The following PAOX variants were observed in gnomAD, a reference collection of about 807,000 sequenced individuals.
PAOX encodes peroxisomal N(1)-acetyl-spermine/spermidine oxidase.
PAOX carries 38 observed loss-of-function variants against 39.0 expected under a neutral mutation model. The observed-to-expected ratio is 0.97, with a 90% CI of 0.75 to 1.28. The LOEUF is 1.28. Ranked by LOEUF, PAOX falls within the 50% of genes most tolerant of loss-of-function variation. The probability of loss-of-function intolerance (pLI) is 0.00; values close to 1 mark genes in which losing one functional copy is unlikely to be tolerated. For missense variants in PAOX, 667 were observed against 685.7 expected, an observed-to-expected ratio of 0.97 and a Z score of 0.30; for synonymous variants, 311 against 314.4, an observed-to-expected ratio of 0.99 and a Z score of 0.11.
Position 133,389,757 on chromosome 10 carries a change from G to T in PAOX, c.1392+10G>T. On this transcript the variant is annotated intron_variant, in intron 6 of 6. Coordinates refer to ENST00000278060, the MANE Select transcript of PAOX (RefSeq NM_152911.4). ...CGGCGCCGGCGCCCAGGTATGTGGCGTGCCCCAGTCGGGGGGCGTGGGTCC... is the reference window on the plus strand; with the variant it reads ...CGGCGCCGGCGCCCAGGTATGTGGCTTGCCCCAGTCGGGGGGCGTGGGTCC... The T allele has an allele frequency of 6.7e-7, 1 of 1,484,478 alleles. No homozygotes were observed. Among genetic ancestry groups the T allele is most frequent in the African/African-American group, 1.4e-5 (1 of 69,782 alleles). The allele number at this position is 1,484,478 out of a possible 1,614,324, so 92.0% of individuals were successfully genotyped here.
intron 3 of PAOX, among the ~76,000 whole-genome samples, chr10:133,383,506 G>A (rs1235815855): frequency 6.6e-6 from 1 of 151,840 alleles, no homozygotes; most frequent in Non-Finnish European, 1.5e-5. Flanking sequence ...GGGAAGCTGA[G>A]GCAGGAGAAT....
At position 133,384,833 on chromosome 10, in the gene PAOX, G is replaced by C. The variant is rs1368504755; in HGVS notation, c.1121+621G>C. On this transcript the variant is annotated intron_variant, in intron 4 of 6. Coordinates refer to ENST00000278060, the MANE Select transcript of PAOX (RefSeq NM_152911.4). This position sits in a 1 kb window ranked among gnomAD's most constrained non-coding sequence, Gnocchi z 4.3. ...GTTTCCACTGAGAGATGCCGCAGGA[G>C]GGGGCACCAAGTTCTTGTTCTGAAA... Among the ~76,000 whole-genome samples the C allele has an allele frequency of 6.6e-6, 1 of 152,224 alleles. No homozygotes were observed. The highest frequency in any genetic ancestry group is 1.5e-5 in the Non-Finnish European group (1 of 68,038).
chr10:133,379,362 G>C lies in PAOX; in HGVS notation c.46G>C (p.Val16Leu). ...CGGGGAGGCCCCGGGCGGACCCCGG[G>C]TGCTGGTGGTGGGCGGCGGCATCGC... ...SVGEAPGGPRVLVVGGGIAGL... is the reference protein window; with the variant it reads ...SVGEAPGGPRLLVVGGGIAGL... Residue 16 changes from valine to leucine, a missense_variant, in exon 1 of 7, where the codon GTG (valine) becomes CTG (leucine). Physicochemically the swap from Val to Leu is conservative, Grantham distance 32. Transcript: ENST00000278060. 8.2e-7 allele frequency: 1 copy of C among 1,219,858 alleles called. No individual in the cohort carries two copies. The highest frequency in any genetic ancestry group is 1.0e-6 in the Non-Finnish European group (1 of 980,456). The allele number at this position is 1,219,858 out of a possible 1,614,324, so 75.6% of individuals were successfully genotyped here.
intron 6 of PAOX, among the ~76,000 whole-genome samples, chr10:133,390,446 A>ACG (rs1554889447): frequency 7.4e-4 from 105 of 141,940 alleles, no homozygotes; most frequent in Non-Finnish European, 1.2e-3. Context: ...ACACACACAC[A>ACG]AGTAGCCAGG....
At chr10:133,391,139 G>C in intron 6 of PAOX, 173 bp from the exon 7 acceptor site, 1 of 723,672 alleles carries the variant, frequency 1.4e-6, no homozygotes, top group South Asian at 1.5e-5. Flanking sequence ...TGTGTGAGCT[G>C]TTTTCCTGGC....
intron 6 of PAOX, chr10:133,390,945 T>C: frequency 1.4e-6 from 1 of 701,308 alleles, no homozygotes; most frequent in Non-Finnish European, 2.6e-6. Context: ...TGGCTTCCTT[T>C]CCCACCCATT....
chr10:133,380,428 C>T lies in PAOX; in HGVS notation c.611C>T (p.Ala204Val), dbSNP rs1438531558. ...VSGTHSMDLVALAPFGEYTVL... is the reference protein window; with the variant it reads ...VSGTHSMDLVVLAPFGEYTVL... The stretch of plus-strand genomic sequence containing the variant: ...GGCACCCACAGCATGGACCTGGTGG[C>T]CCTGGCACCCTTTGGGGAGTATACC... The change falls in exon 2 of 7, where the codon GCC becomes GTC. Residue 204 changes from alanine (A) to valine (V), a missense_variant. Ala to Val is a moderately conservative substitution (Grantham distance 64). Transcript: ENST00000278060. 5 of 1,612,536 alleles carry T rather than the reference C, an allele frequency of 3.1e-6. No homozygotes were observed. The highest frequency in any genetic ancestry group is 4.2e-6 in the Non-Finnish European group (5 of 1,180,012).
rs1849621709 is a variant in PAOX at position 133,389,689 on chromosome 10, C to G, written c.1334C>G (p.Thr445Ser). The change falls in exon 6 of 7, where the codon ACT (threonine) becomes AGT (serine). Residue 445 changes from threonine to serine, a missense_variant. Transcript: ENST00000278060. ...GSYSYVAVGS[T>S]GGDLDLLAQP... ...TACAGCTACGTGGCCGTGGGCAGTA[C>G]TGGGGGCGACCTGGACCTGCTGGCT... 1 of 1,604,676 alleles carries G rather than the reference C, an allele frequency of 6.2e-7. No individual in the cohort carries two copies. Among genetic ancestry groups the G allele is most frequent in the Non-Finnish European group, 8.5e-7 (1 of 1,174,112 alleles).
Position 133,380,256 on chromosome 10 carries a change from G to T in PAOX, c.439G>T (p.Ala147Ser). Residue 147 changes from alanine to serine, a missense_variant, in exon 2 of 7, where the codon GCT becomes TCT. Coordinates refer to ENST00000278060, the MANE Select transcript of PAOX (RefSeq NM_152911.4). Reference protein sequence around the residue: ...LIDQTREFLHAAETPVPSVGE... With the variant: ...LIDQTREFLHSAETPVPSVGE... ...AGACCAGACCCGGGAGTTCCTGCAC[G>T]CTGCAGAGACCCCGGTGCCCAGCGT... 1 of 1,612,898 alleles carries T rather than the reference G, an allele frequency of 6.2e-7. No individual in the cohort carries two copies. The highest frequency in any genetic ancestry group is 8.5e-7 in the Non-Finnish European group (1 of 1,180,020).
intron 1 of PAOX, 21 bp from the exon 2 acceptor site, chr10:133,379,978 G>T: frequency 6.6e-7 from 1 of 1,506,422 alleles, no homozygotes; most frequent in Non-Finnish European, 8.8e-7. Flanking sequence ...CCTCCAGGTG[G>T]CATCTGCTGT....
Position 133,380,241 on chromosome 10 carries a change from CG to C in PAOX, c.427del (p.Glu143SerfsTer37). 6.2e-7 allele frequency: 1 copy of C among 1,612,884 alleles called. No homozygotes were observed. The highest frequency in any genetic ancestry group is 8.5e-7 in the Non-Finnish European group (1 of 1,180,020). On this transcript the variant is annotated frameshift_variant, in exon 2 of 7. Coordinates refer to ENST00000278060, the MANE Select transcript of PAOX (RefSeq NM_152911.4). LOFTEE classifies it high-confidence loss of function. ...GTTCTACGGCCTGATAGACCAGACC[CG>C]GGAGTTCCTGCACGCTGCAGAGACC... ...TLFYGLIDQT[R>X]EFLHAAETPV...
intron 4 of PAOX, among the ~76,000 whole-genome samples, chr10:133,386,323 C>A (rs1018159690): frequency 2.0e-5 from 3 of 151,974 alleles, no homozygotes; most frequent in African/African-American, 7.3e-5. Flanking sequence ...CCACGCCCGG[C>A]CTTTTCTGCA....
intron 4 of PAOX, among the ~76,000 whole-genome samples, chr10:133,385,023 C>T (rs1355826557): frequency 6.6e-6 from 1 of 152,152 alleles, no homozygotes; most frequent in Non-Finnish European, 1.5e-5. Context: ...CGGCCAGGCG[C>T]GGTGGCTCAT....
intron 1 of PAOX, 31 bp from the exon 2 acceptor site, chr10:133,379,968 C>A (rs1849309002): frequency 6.6e-7 from 1 of 1,505,222 alleles, no homozygotes; most frequent in East Asian, 2.3e-5. Flanking sequence ...AGGAAAGGGA[C>A]CTCCAGGTGG....
Position 133,379,316 on chromosome 10 carries a change from G to C in PAOX, c.-1G>C. On this transcript the variant is annotated 5_prime_UTR_variant, in exon 1 of 7. Transcript: ENST00000278060. Reference sequence around the variant, plus strand: ...AGCCCTCGGACTGCCCGGACCGCGCGATGGAGTCGACCGGCAGCGTCGGGG... The same window carrying C: ...AGCCCTCGGACTGCCCGGACCGCGCCATGGAGTCGACCGGCAGCGTCGGGG... The C allele has an allele frequency of 8.2e-7, 1 of 1,216,258 alleles. No individual in the cohort carries two copies. Among genetic ancestry groups the C allele is most frequent in the Non-Finnish European group, 1.0e-6 (1 of 978,374 alleles). The allele number at this position is 1,216,258 out of a possible 1,614,324, so 75.3% of individuals were successfully genotyped here.
Position 133,380,495 on chromosome 10 carries a change from T to G in PAOX, c.668+10T>G. 1 of 1,563,462 alleles carries G rather than the reference T, an allele frequency of 6.4e-7. No individual in the cohort carries two copies. Among genetic ancestry groups the G allele is most frequent in the Non-Finnish European group, 8.6e-7 (1 of 1,158,222 alleles). On this transcript the variant is annotated intron_variant, in intron 2 of 6. Coordinates refer to ENST00000278060, the MANE Select transcript of PAOX (RefSeq NM_152911.4). ...ACTGCACCTTTTCTAAGTGCGTGCC[T>G]GAGCCCCTGCCCCGCCAGTCCTCCC...
At chr10:133,386,930 ATT>A (rs1202850803) in intron 4 of PAOX, among the ~76,000 whole-genome samples, 5 of 152,156 alleles carry the variant, frequency 3.3e-5, no homozygotes, top group African/African-American at 1.2e-4. Flanking sequence ...ACTGAAATCT[ATT>A]TGTCTGTCTT....
At position 133,391,483 on chromosome 10, in the gene PAOX, G is replaced by T. The variant is rs199579151; in HGVS notation, c.*28G>T. The stretch of plus-strand genomic sequence containing the variant: ...GGGCCCAGCCTACTCTGTTCCACCC[G>T]TGTCGGGGGTAGGCTGGGACCCTCA... On this transcript the variant is annotated 3_prime_UTR_variant, in exon 7 of 7. Transcript: ENST00000278060. 4.4e-6 allele frequency: 7 copies of T among 1,582,262 alleles called. No individual in the cohort carries two copies. The South Asian group carries it at 8.0e-5, about 18-fold the overall frequency.
At position 133,391,394 on chromosome 10, in the gene PAOX, A is replaced by G. The variant is rs764207917; in HGVS notation, c.1475A>G (p.Glu492Gly). Residue 492 changes from glutamate (E) to glycine (G), a missense_variant, in exon 7 of 7, where the codon GAG becomes GGG. By Grantham distance (98) the Glu-to-Gly change is moderately conservative. Transcript: ENST00000278060. ...GGGGCTCTGCTGTCGGGATGGAGGGAGGCCGACCGCCTCCTCAGTCTGTGG... is the reference window on the plus strand; with the variant it reads ...GGGGCTCTGCTGTCGGGATGGAGGGGGGCCGACCGCCTCCTCAGTCTGTGG... ...THGALLSGWR[E>G]ADRLLSLWAP... 4 of 1,613,062 alleles carry G rather than the reference A, an allele frequency of 2.5e-6. No individual in the cohort carries two copies. Among genetic ancestry groups the G allele is most frequent in the Non-Finnish European group, 3.4e-6 (4 of 1,180,018 alleles).
Sources: allele counts gnomAD v4.1 joint callset (sites outside exome capture counted in the v4.1 genomes callset), GRCh38; gene constraint gnomAD v4.1.1; non-coding constraint Gnocchi (gnomAD v3.1); transcripts MANE v1.5; gene names NCBI Gene and HGNC (gene_info 2026-07-23, HGNC 2026-07-21).